The following ADAMTS2 variants were observed in gnomAD, a reference collection of about 807,000 sequenced individuals.
ADAMTS2 encodes ADAM metallopeptidase with thrombospondin type 1 motif 2, also known as A disintegrin and metalloproteinase with thrombospondin motifs 2.
A neutral mutation model predicts 123.0 loss-of-function variants in ADAMTS2; 50 were observed. The ratio of observed to expected loss-of-function variants is 0.41; its 90% CI spans 0.32 to 0.51. The LOEUF is 0.51. Among genes scored for constraint, ADAMTS2 ranks in the 20% least tolerant of loss-of-function variants. The pLI is 0.35. For missense variants in ADAMTS2, 1,494 were observed against 1,705.2 expected, an observed-to-expected ratio of 0.88 and a Z score of 2.18; for synonymous variants, 678 against 695.4, an observed-to-expected ratio of 0.98 and a Z score of 0.39.
intron 3 of ADAMTS2, among the ~76,000 whole-genome samples, chr5:179,236,330 C>T (rs1037615256): frequency 3.3e-5 from 5 of 152,146 alleles, no homozygotes; most frequent in African/African-American, 1.2e-4. Context: ...TTGTTCCAGC[C>T]ACTCCCGTAA....
intron 3 of ADAMTS2, among the ~76,000 whole-genome samples, chr5:179,250,644 G>A (rs1765898162): frequency 6.6e-6 from 1 of 152,218 alleles, no homozygotes; most frequent in Non-Finnish European, 1.5e-5. Context: ...AACCCTCTGT[G>A]GGTGACGCAG....
chr5:179,311,154 A>G (rs1007446774), intron 2 of ADAMTS2, among the ~76,000 whole-genome samples: 1 of 150,888 alleles, frequency 6.6e-6, no homozygotes, highest in Admixed American at 6.6e-5. Context: ...GCAGATGTTC[A>G]CTCTGAGGCC....
At chr5:179,334,585 G>C (rs535416451) in intron 2 of ADAMTS2, among the ~76,000 whole-genome samples, 57 of 152,338 alleles carry the variant, frequency 3.7e-4, no homozygotes, top group African/African-American at 1.2e-3. Flanking sequence ...ATGAGGATGC[G>C]TGTAGCCACG....
intron 5 of ADAMTS2, among the ~76,000 whole-genome samples, chr5:179,176,595 C>T (rs932416604): frequency 1.2e-4 from 18 of 152,148 alleles, no homozygotes; most frequent in African/African-American, 2.4e-5. Flanking sequence ...TGTCTGTATC[C>T]CTGGACCCAG....
chr5:179,276,266 A>C (rs1318609706), intron 2 of ADAMTS2, among the ~76,000 whole-genome samples: 1 of 152,136 alleles, frequency 6.6e-6, no homozygotes, highest in Non-Finnish European at 1.5e-5. Context: ...CAGTGTGTTT[A>C]CCAGTGCAGG....
intron 6 of ADAMTS2, among the ~76,000 whole-genome samples, chr5:179,157,959 G>GT (rs993367299): frequency 1.5e-4 from 23 of 151,160 alleles, no homozygotes; most frequent in Non-Finnish European, 2.7e-4. Context: ...GGTTTGTTTG[G>GT]TTTTTTTTGT....
rs1388924664 is a variant in ADAMTS2, at chr5:179,158,937, G to A, written c.976-58C>T. 6.3e-7 allele frequency: 1 copy of A among 1,591,096 alleles called. No individual in the cohort carries two copies. Among genetic ancestry groups the A allele is most frequent in the Non-Finnish European group, 8.6e-7 (1 of 1,168,282 alleles). On this transcript the variant is annotated intron_variant, in intron 5 of 21. Transcript: ENST00000251582. This position sits in a 1 kb window ranked among gnomAD's most constrained non-coding sequence, Gnocchi z 5.0. Reference sequence around the variant, plus strand: ...GGTTGGCGCCTGGTGGCCCAGTGGGGGGCCGAGCAGGCTGTAGTGTTGACA... The same window carrying A: ...GGTTGGCGCCTGGTGGCCCAGTGGGAGGCCGAGCAGGCTGTAGTGTTGACA...
chr5:179,296,426 G>T (rs987094810), intron 2 of ADAMTS2, among the ~76,000 whole-genome samples: 11 of 152,252 alleles, frequency 7.2e-5, no homozygotes, highest in Non-Finnish European at 1.5e-4. Flanking sequence ...CAGCAGTCAG[G>T]AATGTCGAAG....
intron 3 of ADAMTS2, among the ~76,000 whole-genome samples, chr5:179,259,017 G>C (rs1408613103): frequency 1.3e-5 from 2 of 152,152 alleles, no homozygotes; most frequent in African/African-American, 2.4e-5. Context: ...GCAGCCTCCT[G>C]CCGGCTCCCT....
chr5:179,159,738 A>C (rs1444563977), intron 5 of ADAMTS2, among the ~76,000 whole-genome samples: 4 of 152,332 alleles, frequency 2.6e-5, no homozygotes, highest in Admixed American at 6.5e-5. Flanking sequence ...TGAGACTCAG[A>C]GAAGTTAAGA....
At chr5:179,135,110 C>T (rs183045883) in intron 13 of ADAMTS2, among the ~76,000 whole-genome samples, 3 of 52,042 alleles carry the variant, frequency 5.8e-5, no homozygotes, top group Admixed American at 4.4e-4. Context: ...CGGCTCCAGC[C>T]CCCAGCTCCC....
At chr5:179,121,466 G>GC in intron 21 of ADAMTS2, 195 bp downstream of exon 21, 1 of 458,538 alleles carries the variant, frequency 2.2e-6, no homozygotes, top group Non-Finnish European at 3.9e-6. Flanking sequence ...AGAGGCCCGA[G>GC]CCCCCGCCAG....
chr5:179,134,817 C>A lies in ADAMTS2; in HGVS notation c.2085+1092G>T, dbSNP rs866977152. Reference sequence around the variant, plus strand: ...TCCAGCCCCCAGCTCCCGGCTCCAGCCCCCAGCTCCCGGCTCCAGCCCCCA... The same window carrying A: ...TCCAGCCCCCAGCTCCCGGCTCCAGACCCCAGCTCCCGGCTCCAGCCCCCA... On this transcript the variant is annotated intron_variant, in intron 13 of 21. Transcript: ENST00000251582. 1.5e-3 allele frequency among the ~76,000 whole-genome samples: 165 copies of A among 109,942 alleles called. 4 individuals carry two copies. The highest frequency in any genetic ancestry group is 5.9e-3 in the African/African-American group (154 of 26,298). 72.1% of individuals were successfully genotyped at this position (109,942 alleles called of 152,430 possible).
chr5:179,338,625 C>T (rs1445519843), intron 2 of ADAMTS2, among the ~76,000 whole-genome samples: 4 of 152,160 alleles, frequency 2.6e-5, no homozygotes. Flanking sequence ...CGACTCAGGC[C>T]GGAGCTGGAG....
At chr5:179,218,491 G>A (rs943272554) in intron 3 of ADAMTS2, among the ~76,000 whole-genome samples, 15 of 152,236 alleles carry the variant, frequency 9.9e-5, no homozygotes, top group African/African-American at 3.6e-4. Flanking sequence ...TCAGCACAGA[G>A]CCCCACTGGT....
intron 4 of ADAMTS2, among the ~76,000 whole-genome samples, chr5:179,192,523 C>T (rs958215726): frequency 2.0e-5 from 3 of 152,182 alleles, no homozygotes; most frequent in African/African-American, 4.8e-5. Flanking sequence ...TCCTGCCCAC[C>T]GCTACACAGG....
intron 13 of ADAMTS2, among the ~76,000 whole-genome samples, chr5:179,133,654 T>G (rs1012192475): frequency 3.9e-5 from 6 of 152,272 alleles, no homozygotes; most frequent in South Asian, 2.1e-4. Context: ...TATTTATGTT[T>G]TCTAATTATG....
In ADAMTS2 at chr5:179,344,097, G is replaced by T. The variant is rs1264559270; in HGVS notation, c.204C>A (p.Gly68=). ...CCGACACCACGTGGGACACCAAGCG[G>T]CCCTGGGCGTCAGTGCGCACGGGCA... The part of the protein sequence containing the change: ...LAVPVRTDAQ[G]RLVSHVVSAA... Residue 68 remains glycine (G), a synonymous_variant, in exon 2 of 22, where the codon GGC becomes GGA. Coordinates refer to ENST00000251582, the MANE Select transcript of ADAMTS2 (RefSeq NM_014244.5). 6.2e-7 allele frequency: 1 copy of T among 1,609,628 alleles called. No homozygotes were observed. The highest frequency in any genetic ancestry group is 8.5e-7 in the Non-Finnish European group (1 of 1,178,124).
intron 3 of ADAMTS2, among the ~76,000 whole-genome samples, chr5:179,241,835 C>T (rs183366037): frequency 3.9e-4 from 60 of 152,276 alleles, no homozygotes; most frequent in African/African-American, 1.3e-3. Context: ...CCTATCTCTA[C>T]GCATTTTTTA....
Sources: allele counts gnomAD v4.1 joint callset (sites outside exome capture counted in the v4.1 genomes callset), GRCh38; gene constraint gnomAD v4.1.1; non-coding constraint Gnocchi (gnomAD v3.1); transcripts MANE v1.5; gene names NCBI Gene and HGNC (gene_info 2026-07-23, HGNC 2026-07-21).